Variants in RPS6KC1 observed in about 807,000 individuals in gnomAD.
RPS6KC1 encodes ribosomal protein S6 kinase C1.
Under a neutral mutation model 103.8 loss-of-function variants are expected in RPS6KC1, and 54 were observed. That is an observed-to-expected ratio of 0.52 (90% CI 0.42 to 0.65). The LOEUF (loss-of-function observed/expected upper bound fraction) is 0.65, where lower values mean the gene tolerates loss of function less well. Ranked by LOEUF, RPS6KC1 falls within the 30% of genes least tolerant of loss-of-function variation. The pLI, the probability that RPS6KC1 is intolerant of heterozygous loss-of-function variation, is 0.00. For synonymous variants in RPS6KC1, 439 were observed against 438.7 expected (o/e 1.00, Z -0.01); for missense variants, 1,151 against 1,253.8 (o/e 0.92, Z 1.24).
At chr1:213,077,150 G>A (rs756401195) in intron 2 of RPS6KC1, among the ~76,000 whole-genome samples, 1 of 152,216 alleles carries the variant, frequency 6.6e-6, no homozygotes, top group African/African-American at 2.4e-5. Context: ...GATTATAGGC[G>A]TGAACCACTG....
the RPS6KC1 span, among the ~76,000 whole-genome samples, chr1:213,749,561 C>G: frequency 1.3e-5 from 2 of 152,140 alleles, no homozygotes; most frequent in African/African-American, 4.8e-5. Context: ...GAGGCTGTGG[C>G]AGGAACAAAT....
At chr1:213,160,054 A>G (rs1389844160) in intron 6 of RPS6KC1, among the ~76,000 whole-genome samples, 1 of 152,188 alleles carries the variant, frequency 6.6e-6, no homozygotes, top group Non-Finnish European at 1.5e-5. Flanking sequence ...CTTATAGCTT[A>G]TTATATCTTT....
the RPS6KC1 span, among the ~76,000 whole-genome samples, chr1:213,551,957 A>G: frequency 6.6e-6 from 1 of 152,184 alleles, no homozygotes; most frequent in African/African-American, 2.4e-5. Flanking sequence ...ATTATATAGC[A>G]TGTAGCCCTT....
Position 213,129,777 on chromosome 1 carries a change from G to C in RPS6KC1, c.723G>C (p.Glu241Asp), listed in dbSNP as rs2085386147. The stretch of plus-strand genomic sequence containing the variant: ...AGCTTGGCAAGAGAGATTATTTGGA[G>C]AAAGCAGGAGAATTAATAAAGCTGG... ...KPKLGKRDYL[E>D]KAGELIKLAL... The change falls in exon 6 of 15, where the codon GAG (glutamate) becomes GAC (aspartate). Residue 241 changes from glutamate (E) to aspartate (D), a missense_variant. Around this residue, in one of 3 missense-constraint regions of RPS6KC1, gnomAD observed 959 missense variants for 1,006.3 expected, o/e 0.95. Transcript: ENST00000366960. 6 of 1,614,058 alleles carry C rather than the reference G, an allele frequency of 3.7e-6. No individual in the cohort carries two copies. The East Asian group carries it at 1.3e-4, about 36-fold the overall frequency.
At chr1:213,062,266 G>A (rs1273689874) in intron 1 of RPS6KC1, among the ~76,000 whole-genome samples, 1 of 151,980 alleles carries the variant, frequency 6.6e-6, no homozygotes, top group Admixed American at 6.6e-5. Flanking sequence ...TAAAAATACT[G>A]TATAAAATTA....
At chr1:213,859,466 A>T in the RPS6KC1 span, among the ~76,000 whole-genome samples, 2 of 152,210 alleles carry the variant, frequency 1.3e-5, no homozygotes, top group African/African-American at 4.8e-5. Context: ...AAAGAGCCAG[A>T]TATTTTCAGT....
the RPS6KC1 span, among the ~76,000 whole-genome samples, chr1:213,287,756 T>C: frequency 6.6e-6 from 1 of 152,144 alleles, no homozygotes; most frequent in African/African-American, 2.4e-5. Context: ...TATGTAGTAT[T>C]AAAAATGTTT....
At chr1:213,439,551 C>G in the RPS6KC1 span, among the ~76,000 whole-genome samples, 1 of 151,962 alleles carries the variant, frequency 6.6e-6, no homozygotes, top group East Asian at 1.9e-4. Context: ...GTTGAAGTGC[C>G]AGATGTTTAT....
chr1:213,271,357 T>C (rs1329892040), intron 14 of RPS6KC1, among the ~76,000 whole-genome samples: 3 of 152,114 alleles, frequency 2.0e-5, no homozygotes, highest in Non-Finnish European at 4.4e-5. Flanking sequence ...TTATATGAAA[T>C]GTTCAGAAAG....
the RPS6KC1 span, among the ~76,000 whole-genome samples, chr1:213,667,857 C>T: frequency 6.6e-6 from 1 of 152,174 alleles, no homozygotes; most frequent in African/African-American, 2.4e-5. Flanking sequence ...AGAGTAGATT[C>T]CATCTCAAGA....
At chr1:213,280,453 C>T in the RPS6KC1 span, among the ~76,000 whole-genome samples, 1 of 151,966 alleles carries the variant, frequency 6.6e-6, no homozygotes, top group Non-Finnish European at 1.5e-5. Flanking sequence ...GTATTTAGTC[C>T]CTGTGTTGTT....
chr1:213,373,371 C>G, the RPS6KC1 span, among the ~76,000 whole-genome samples: 1 of 152,220 alleles, frequency 6.6e-6, no homozygotes, highest in Admixed American at 6.5e-5. Context: ...CTCTAAAAAT[C>G]CAAGTACGGC....
the RPS6KC1 span, among the ~76,000 whole-genome samples, chr1:213,833,869 A>G: frequency 6.6e-6 from 1 of 152,132 alleles, no homozygotes; most frequent in African/African-American, 2.4e-5. Context: ...CATTTACACC[A>G]TATTTGTTTT....
the RPS6KC1 span, among the ~76,000 whole-genome samples, chr1:213,757,507 G>C: frequency 6.6e-6 from 1 of 152,204 alleles, no homozygotes; most frequent in Non-Finnish European, 1.5e-5. Context: ...GAGAGGTGAG[G>C]AAATGGCAAA....
the RPS6KC1 span, among the ~76,000 whole-genome samples, chr1:213,581,637 A>G: frequency 6.6e-6 from 1 of 152,098 alleles, no homozygotes; most frequent in Non-Finnish European, 1.5e-5. Context: ...CCAGCCAAGG[A>G]CAGCTTCTAG....
chr1:213,667,440 T>C, the RPS6KC1 span, among the ~76,000 whole-genome samples: 1 of 152,232 alleles, frequency 6.6e-6, no homozygotes, highest in Admixed American at 6.5e-5. Flanking sequence ...TAAGGCATTG[T>C]GTTTTTAAAA....
chr1:213,175,252 C>T (rs1179197348), intron 7 of RPS6KC1, among the ~76,000 whole-genome samples: 2 of 152,204 alleles, frequency 1.3e-5, no homozygotes, highest in South Asian at 2.1e-4. Flanking sequence ...TGAATATAGA[C>T]ATGACTAAGG....
chr1:213,692,104 A>C, the RPS6KC1 span, among the ~76,000 whole-genome samples: 1 of 152,208 alleles, frequency 6.6e-6, no homozygotes, highest in East Asian at 1.9e-4. Context: ...GTGAAAGTTT[A>C]TTAAAAAGCT....
the RPS6KC1 span, among the ~76,000 whole-genome samples, chr1:213,833,649 A>G: frequency 6.6e-6 from 1 of 152,140 alleles, no homozygotes; most frequent in Non-Finnish European, 1.5e-5. Flanking sequence ...TTTAATTTAC[A>G]TGGAAGCCTG....
Sources: allele counts gnomAD v4.1 joint callset (sites outside exome capture counted in the v4.1 genomes callset), GRCh38; gene constraint gnomAD v4.1.1; regional missense constraint gnomAD v4.1.1; transcripts MANE v1.5; gene names NCBI Gene and HGNC (gene_info 2026-07-23, HGNC 2026-07-21).